The following OGFOD1 variants were observed in gnomAD, a reference collection of about 807,000 sequenced individuals.
OGFOD1 encodes the protein prolyl 3-hydroxylase OGFOD1.
Under a neutral mutation model 67.7 loss-of-function variants are expected in OGFOD1, and 54 were observed. The observed-to-expected ratio is 0.80, with a 90% CI of 0.64 to 1.00. The LOEUF (loss-of-function observed/expected upper bound fraction) is 1.00, where lower values mean the gene tolerates loss of function less well. OGFOD1 is among the 50% of genes least tolerant of loss of function. OGFOD1 has a pLI of 0.00. For synonymous variants in OGFOD1, 221 were observed against 227.0 expected (o/e 0.97, Z 0.24); for missense variants, 606 against 646.7 (o/e 0.94, Z 0.68).
intron 10 of OGFOD1, among the ~76,000 whole-genome samples, chr16:56,471,561 CTA>C (rs1963185820): frequency 6.6e-6 from 1 of 152,198 alleles, no homozygotes; most frequent in African/African-American, 2.4e-5. Flanking sequence ...GCACTTACTA[CTA>C]TGTCAGTGAG....
At chr16:56,458,210 A>G (rs1366376635) in intron 2 of OGFOD1, 3 of 272,928 alleles carry the variant, frequency 1.1e-5, no homozygotes, top group Non-Finnish European at 2.1e-5. Flanking sequence ...AGCACTCCCC[A>G]TTCTTTCCCT....
At chr16:56,465,030 C>T (rs369534238) in intron 4 of OGFOD1, among the ~76,000 whole-genome samples, 13 of 150,320 alleles carry the variant, frequency 8.6e-5, no homozygotes, top group Admixed American at 4.0e-4. Context: ...GACTGTCTCT[C>T]ACTCTGTTGC....
At chr16:56,451,535 G>A (rs868679078), upstream of OGFOD1, 51 of 1,500,472 alleles carry the variant, frequency 3.4e-5, no homozygotes, top group African/African-American at 5.8e-4. Context: ...ACGATAAAGG[G>A]GACATGCCGG....
chr16:56,465,000 TTTC>T (rs1229104771), intron 4 of OGFOD1, among the ~76,000 whole-genome samples: 1 of 151,102 alleles, frequency 6.6e-6, no homozygotes, highest in African/African-American at 2.5e-5. Flanking sequence ...TTGGAATGTA[TTTC>T]TTTTTTTTTT....
At chr16:56,469,103 G>T (rs1248338167) in intron 8 of OGFOD1, among the ~76,000 whole-genome samples, 1 of 152,208 alleles carries the variant, frequency 6.6e-6, no homozygotes, top group African/African-American at 2.4e-5. Flanking sequence ...CCTAAACCAT[G>T]CTATGGGATC....
chr16:56,466,314 TGAGTTA>T, intron 5 of OGFOD1, 46 bp downstream of exon 5: 1 of 1,218,876 alleles, frequency 8.2e-7, no homozygotes, highest in Middle Eastern at 1.9e-4. Flanking sequence ...GTGGCACTTC[TGAGTTA>T]AAGCTGAGTT....
intron 8 of OGFOD1, among the ~76,000 whole-genome samples, chr16:56,468,665 G>A (rs1963007807): frequency 6.6e-6 from 1 of 151,712 alleles, no homozygotes. Flanking sequence ...TGCAGAGGTT[G>A]CAGTGAGCTG....
chr16:56,472,952 GAC>G (rs1405001115), intron 10 of OGFOD1, among the ~76,000 whole-genome samples: 1 of 144,614 alleles, frequency 6.9e-6, no homozygotes, highest in East Asian at 2.0e-4. Flanking sequence ...TTGGTTTGGA[GAC>G]AGAGTCTCGC....
At chr16:56,453,433 C>A in intron 2 of OGFOD1, 25 bp downstream of exon 2, 2 of 1,598,574 alleles carry the variant, frequency 1.3e-6, no homozygotes, top group Non-Finnish European at 8.5e-7. Context: ...GCCACATTAA[C>A]TCTTCCAGCT....
chr16:56,469,860 AAAAAAAAAAAAAAG>A, intron 8 of OGFOD1, 129 bp from the exon 9 acceptor site: 1 of 609,456 alleles, frequency 1.6e-6, no homozygotes, highest in South Asian at 2.2e-5. Flanking sequence ...CAAAAAAAAA[AAAAAAAAAAAAAAG>A]GAATGAGAGT....
intron 4 of OGFOD1, among the ~76,000 whole-genome samples, chr16:56,463,895 A>G (rs996118010): frequency 6.6e-6 from 1 of 152,172 alleles, no homozygotes; most frequent in Non-Finnish European, 1.5e-5. Flanking sequence ...TGATAATCAT[A>G]AACCATCAGA....
At chr16:56,466,999 A>C (rs753767657) in intron 6 of OGFOD1, 32 bp downstream of exon 6, 22 of 1,558,236 alleles carry the variant, frequency 1.4e-5, no homozygotes, top group Non-Finnish European at 1.9e-5. Context: ...TAGAGTAGCA[A>C]GGATTATGTT....
At chr16:56,463,785 AT>A (rs566417402) in intron 4 of OGFOD1, among the ~76,000 whole-genome samples, 19 of 152,000 alleles carry the variant, frequency 1.3e-4, no homozygotes, top group Non-Finnish European at 2.6e-4. Context: ...CATAGTACAA[AT>A]AATTTATTTT....
At chr16:56,458,443 G>C (rs1375792275) in intron 2 of OGFOD1, 105 bp from the exon 3 acceptor site, 1 of 1,000,398 alleles carries the variant, frequency 1.0e-6, no homozygotes. Context: ...CAGAGTCTGG[G>C]CTCTTAATGA....
chr16:56,476,440 T>A lies in OGFOD1; in HGVS notation c.*235T>A, dbSNP rs927940257. 2.6e-5 allele frequency: 9 copies of A among 342,512 alleles called. No homozygotes were observed. Among genetic ancestry groups the A allele is most frequent in the Admixed American group, 9.2e-5 (2 of 21,750 alleles). 21.2% of individuals were successfully genotyped at this position (342,512 alleles called of 1,614,324 possible). A position where few individuals can be genotyped will look rare whatever the true frequency, so the allele number is the denominator to read the frequency against. On this transcript the variant is annotated 3_prime_UTR_variant, in exon 13 of 13. Transcript: ENST00000566157. ...AGTTGGCTTTTTTTTTTTTAACATT[T>A]AGTCCTTTTTCCATATTGGCTTCTT...
At position 56,470,085 on chromosome 16, in the gene OGFOD1, A is replaced by G; in HGVS notation, c.980+3A>G. On this transcript the variant is annotated splice_donor_region_variant and intron_variant, in intron 9 of 12. Coordinates refer to ENST00000566157, the MANE Select transcript of OGFOD1 (RefSeq NM_018233.4). ...AGCCGAGGTCCCCCTAACAAAAGGT[A>G]GAACCCGTCATCTGAGATATTTGCT... is the stretch of plus-strand genomic sequence containing the variant. 1 of 1,613,084 alleles carries G rather than the reference A, an allele frequency of 6.2e-7. No individual in the cohort carries two copies. The highest frequency in any genetic ancestry group is 1.1e-5 in the South Asian group (1 of 91,050).
chr16:56,469,629 C>T (rs561518029), intron 8 of OGFOD1, among the ~76,000 whole-genome samples: 2 of 152,024 alleles, frequency 1.3e-5, no homozygotes, highest in South Asian at 4.2e-4. Context: ...CCAAGGTGGA[C>T]AGATCACCTG....
chr16:56,476,261 G>A lies in OGFOD1; in HGVS notation c.*56G>A. On this transcript the variant is annotated 3_prime_UTR_variant, in exon 13 of 13. Transcript: ENST00000566157. Reference sequence around the variant, plus strand: ...ACCCTTCGTAATTACTGGGAAGTCTGAAAGAGCTAAGCATGGAGTCAAGGA... The same window carrying A: ...ACCCTTCGTAATTACTGGGAAGTCTAAAAGAGCTAAGCATGGAGTCAAGGA... The A allele has an allele frequency of 3.3e-6, 5 of 1,537,798 alleles. No individual in the cohort carries two copies. Among genetic ancestry groups the A allele is most frequent in the African/African-American group, 1.4e-5 (1 of 72,366 alleles).
At chr16:56,466,549 T>C (rs1962907826) in intron 5 of OGFOD1, among the ~76,000 whole-genome samples, 1 of 152,128 alleles carries the variant, frequency 6.6e-6, no homozygotes, top group Non-Finnish European at 1.5e-5. Context: ...GTGGAGTGCA[T>C]ATAAGGCTGC....
Sources: gnomAD v4.1 joint callset for allele counts (sites outside exome capture counted in the v4.1 genomes callset) on GRCh38, gnomAD v4.1.1 for gene constraint, MANE v1.5 for transcripts, NCBI Gene and HGNC (gene_info 2026-07-23, HGNC 2026-07-21) for gene names.